MIPOL1: variants seen among roughly 807,000 people sequenced by gnomAD.
The protein encoded by MIPOL1 is mirror-image polydactyly 1.
Under a neutral mutation model 60.9 loss-of-function variants are expected in MIPOL1, and 57 were observed. The ratio of observed to expected loss-of-function variants is 0.94; its 90% CI spans 0.76 to 1.17. MIPOL1 has a LOEUF of 1.17. MIPOL1 is among the 50% of genes most tolerant of loss of function. The pLI is 0.00. For missense variants in MIPOL1, 551 were observed against 511.6 expected, an observed-to-expected ratio of 1.08 and a Z score of -0.74; for synonymous variants, 179 against 168.8, an observed-to-expected ratio of 1.06 and a Z score of -0.47.
rs1970763876 is a variant in MIPOL1, at chr14:37,232,355, CT to C, written c.-198-14747del. Among the ~76,000 whole-genome samples the C allele has an allele frequency of 2.0e-5, 3 of 152,140 alleles. No individual in the cohort carries two copies. In the South Asian group the frequency reaches 6.2e-4, roughly 32 times the overall value. On this transcript the variant is annotated intron_variant, in intron 1 of 12. Coordinates refer to ENST00000684589, the MANE Select transcript of MIPOL1 (RefSeq NM_001388067.1). ...GCTTAACTGTTTTCTTCACAGTGTA[CT>C]CTCTGTCCCTTATTAGTATCTTGCT...
rs1157697378 is a variant in MIPOL1, at chr14:37,271,183, A to ATCT, written c.493+658_493+659insTCT. On this transcript the variant is annotated intron_variant, in intron 6 of 12. Transcript: ENST00000684589. Reference sequence around the variant, plus strand: ...TTATAGATACAATGAAATGATTCACAATAGTCTATGATCTCCATCTGTGTA... The same window carrying ATCT: ...TTATAGATACAATGAAATGATTCACATCTATAGTCTATGATCTCCATCTGTGTA... Among the ~76,000 whole-genome samples the ATCT allele has an allele frequency of 3.9e-5, 6 of 152,206 alleles. No individual in the cohort carries two copies. The East Asian group carries it at 1.2e-3, about 29-fold the overall frequency.
intron 10 of MIPOL1, among the ~76,000 whole-genome samples, chr14:37,416,929 T>G (rs2093781136): frequency 6.6e-6 from 1 of 152,204 alleles, no homozygotes; most frequent in South Asian, 2.1e-4. Context: ...TCCTACTGTT[T>G]ATTTAATAAT....
In MIPOL1 at chr14:37,528,763, A is replaced by G. The variant is rs2095463132; in HGVS notation, c.1263-18142A>G. On this transcript the variant is annotated intron_variant, in intron 12 of 12. Coordinates refer to ENST00000684589, the MANE Select transcript of MIPOL1 (RefSeq NM_001388067.1). Reference sequence around the variant, plus strand: ...TGTACTTTTTAAATATGCTTTTTTTATAACTTTCAAAAACACTGGTACCTA... The same window carrying G: ...TGTACTTTTTAAATATGCTTTTTTTGTAACTTTCAAAAACACTGGTACCTA... 1.3e-5 allele frequency among the ~76,000 whole-genome samples: 2 copies of G among 152,146 alleles called. 1 individual carries two copies. Among genetic ancestry groups the G allele is most frequent in the South Asian group, 4.1e-4 (2 of 4,830 alleles).
intron 9 of MIPOL1, among the ~76,000 whole-genome samples, chr14:37,366,303 C>G (rs2153491842): frequency 6.6e-6 from 1 of 151,958 alleles, no homozygotes; most frequent in East Asian, 1.9e-4. Context: ...CTATAAACTT[C>G]CCTCTTAGTA....
intron 10 of MIPOL1, among the ~76,000 whole-genome samples, chr14:37,387,672 C>T (rs943420869): frequency 6.6e-6 from 1 of 151,850 alleles, no homozygotes; most frequent in South Asian, 2.1e-4. Flanking sequence ...GATTCTCTAA[C>T]AAAAATGTGA....
At chr14:37,395,093 T>G (rs1462865915) in intron 10 of MIPOL1, among the ~76,000 whole-genome samples, 4 of 152,164 alleles carry the variant, frequency 2.6e-5, no homozygotes, top group African/African-American at 7.2e-5. Context: ...ATTTATGGGT[T>G]CTCTATTCTG....
At chr14:37,536,321 G>C (rs1383967765) in intron 12 of MIPOL1, among the ~76,000 whole-genome samples, 6 of 152,172 alleles carry the variant, frequency 3.9e-5, no homozygotes, top group African/African-American at 7.2e-5. Flanking sequence ...TATGCAGACA[G>C]AGATGATAGT....
chr14:37,516,480 T>G (rs1467705771), intron 12 of MIPOL1, among the ~76,000 whole-genome samples: 1 of 152,202 alleles, frequency 6.6e-6, no homozygotes, highest in African/African-American at 2.4e-5. Flanking sequence ...GTATACTTCA[T>G]AGGATAAATA....
intron 7 of MIPOL1, among the ~76,000 whole-genome samples, chr14:37,292,598 A>G (rs573989145): frequency 2.0e-5 from 3 of 147,302 alleles, no homozygotes; most frequent in African/African-American, 7.6e-5. Context: ...CTCCTGCCTC[A>G]GCCTCCAGAG....
chr14:37,498,982 A>G lies in MIPOL1; in HGVS notation c.1032-926A>G, dbSNP rs962172927. 7.2e-5 allele frequency among the ~76,000 whole-genome samples: 11 copies of G among 152,258 alleles called. 1 individual carries two copies. Among genetic ancestry groups the G allele is most frequent in the Admixed American group, 6.5e-4 (10 of 15,270 alleles). On this transcript the variant is annotated intron_variant, in intron 11 of 12. Transcript: ENST00000684589. The stretch of plus-strand genomic sequence containing the variant: ...TTGCTTTCCTTCCCATTATCAATCT[A>G]TATTATATAGTTAAGTTGTTTTACT...
At chr14:37,411,382 AT>A (rs1217573440) in intron 10 of MIPOL1, among the ~76,000 whole-genome samples, 1 of 152,106 alleles carries the variant, frequency 6.6e-6, no homozygotes, top group Non-Finnish European at 1.5e-5. Flanking sequence ...AAAAGCGTGT[AT>A]TTTAGATATT....
chr14:37,445,067 T>A (rs548448662), intron 11 of MIPOL1, among the ~76,000 whole-genome samples: 1 of 152,296 alleles, frequency 6.6e-6, no homozygotes, highest in South Asian at 2.1e-4. Context: ...TGTTGGAAGT[T>A]CTGGCCAGGT....
chr14:37,381,075 A>G (rs2092911397), intron 10 of MIPOL1, among the ~76,000 whole-genome samples: 1 of 151,922 alleles, frequency 6.6e-6, no homozygotes, highest in Non-Finnish European at 1.5e-5. Context: ...CTTCAGGGAG[A>G]GGAATTTGGG....
rs908650073 is a variant in MIPOL1, at chr14:37,548,622, T to A, written c.*1651T>A. ...TCCCTATGTGAAGAAACATTATCTT[T>A]AAAGTCATCTGGGAGGTGCAGGTAA... On this transcript the variant is annotated 3_prime_UTR_variant, in exon 13 of 13. Transcript: ENST00000684589. 3 of 151,970 alleles carry A rather than the reference T, an allele frequency of 2.0e-5. No individual in the cohort carries two copies. Among genetic ancestry groups the A allele is most frequent in the Admixed American group, 2.0e-4 (3 of 15,264 alleles). The allele number at this position is 151,970 out of a possible 1,614,324, so 9.4% of individuals were successfully genotyped here.
At chr14:37,485,064 A>G (rs1044652934) in intron 11 of MIPOL1, among the ~76,000 whole-genome samples, 11 of 152,042 alleles carry the variant, frequency 7.2e-5, no homozygotes, top group African/African-American at 2.7e-4. Flanking sequence ...TCATTGTTCA[A>G]TTCCCTTTTA....
intron 12 of MIPOL1, among the ~76,000 whole-genome samples, chr14:37,542,662 C>A (rs1296687171): frequency 1.3e-5 from 2 of 152,154 alleles, no homozygotes; most frequent in Admixed American, 6.6e-5. Context: ...ACAGACCTTT[C>A]CTCTCCTTCC....
intron 11 of MIPOL1, among the ~76,000 whole-genome samples, chr14:37,477,589 A>G (rs2094796615): frequency 6.6e-6 from 1 of 152,210 alleles, no homozygotes; most frequent in Admixed American, 6.5e-5. Context: ...GAAAATTCAA[A>G]GTGTAAAACT....
intron 9 of MIPOL1, among the ~76,000 whole-genome samples, chr14:37,369,081 C>CATAT (rs1269862941): frequency 6.6e-6 from 1 of 151,722 alleles, no homozygotes; most frequent in East Asian, 1.9e-4. Flanking sequence ...TATTTCTGAA[C>CATAT]ATATACCTTA....
At chr14:37,212,728 T>G (rs1295184488) in intron 1 of MIPOL1, among the ~76,000 whole-genome samples, 1 of 152,152 alleles carries the variant, frequency 6.6e-6, no homozygotes, top group Non-Finnish European at 1.5e-5. Context: ...GAACGTAGGC[T>G]GTAGCCAGGG....
Sources: allele counts gnomAD v4.1 joint callset (sites outside exome capture counted in the v4.1 genomes callset), GRCh38; gene constraint gnomAD v4.1.1; transcripts MANE v1.5; gene names NCBI Gene and HGNC (gene_info 2026-07-23, HGNC 2026-07-21).